DNAH6: variants seen among roughly 807,000 people sequenced by gnomAD.
DNAH6 encodes the protein dynein axonemal heavy chain 6, also known as axonemal beta dynein heavy chain 6.
A neutral mutation model predicts 491.4 loss-of-function variants in DNAH6; 340 were observed. That is an observed-to-expected ratio of 0.69 (90% confidence interval 0.63 to 0.76). The LOEUF (loss-of-function observed/expected upper bound fraction) is 0.76, where lower values mean the gene tolerates loss of function less well. DNAH6 is among the 30% of genes least tolerant of loss of function. The pLI, the probability that DNAH6 is intolerant of heterozygous loss-of-function variation, is 0.00. For missense variants in DNAH6, 4,443 were observed against 4,972.2 expected, an observed-to-expected ratio of 0.89 and a Z score of 3.20; for synonymous variants, 1,603 against 1,686.1, an observed-to-expected ratio of 0.95 and a Z score of 1.21.
intron 62 of DNAH6, among the ~76,000 whole-genome samples, chr2:84,743,249 T>C (rs1333822192): frequency 6.6e-6 from 1 of 152,174 alleles, no homozygotes; most frequent in Non-Finnish European, 1.5e-5. Flanking sequence ...GAAAGCACCA[T>C]GTGTTATCCA....
chr2:84,652,486 GTCTC>G (rs1484336630), intron 33 of DNAH6, among the ~76,000 whole-genome samples: 3 of 151,970 alleles, frequency 2.0e-5, no homozygotes, highest in African/African-American at 7.2e-5. Context: ...GTTTTTCTAA[GTCTC>G]TCATTCATGC....
chr2:84,636,965 G>T (rs1322389352), intron 30 of DNAH6, among the ~76,000 whole-genome samples: 1 of 152,150 alleles, frequency 6.6e-6, no homozygotes, highest in Non-Finnish European at 1.5e-5. Context: ...TCAGGACTTG[G>T]CTAGGAAGGA....
At position 84,762,838 on chromosome 2, in the gene DNAH6, G is replaced by A; in HGVS notation, c.10596G>A (p.Leu3532=). Residue 3532 remains leucine, a synonymous_variant, in exon 64 of 77, where the codon CTG becomes CTA. Transcript: ENST00000389394. ...IETPPVDLPT[L]YQDMSCNTPL... is the part of the protein sequence containing the mutation. ...CACCACCTGTGGACCTGCCTACCCT[G>A]TATCAAGACATGTCATGCAACACTC... The A allele has an allele frequency of 1.3e-6, 2 of 1,551,118 alleles. No homozygotes were observed. Among genetic ancestry groups the A allele is most frequent in the South Asian group, 1.2e-5 (1 of 84,046 alleles).
intron 63 of DNAH6, among the ~76,000 whole-genome samples, chr2:84,750,311 T>C (rs1279191001): frequency 6.6e-6 from 1 of 151,314 alleles, no homozygotes; most frequent in Non-Finnish European, 1.5e-5. Flanking sequence ...GCCTCCCAAG[T>C]AGCTGGGACC....
At chr2:84,812,313 G>A (rs1208781849) in intron 72 of DNAH6, 28 bp from the exon 73 acceptor site, 1 of 1,544,344 alleles carries the variant, frequency 6.5e-7, no homozygotes, top group Admixed American at 2.0e-5. Flanking sequence ...ATCTGCAAAG[G>A]CCACCAACCC....
At chr2:84,624,239 A>C (rs1687648872) in intron 26 of DNAH6, 26 bp from the exon 27 acceptor site, 2 of 1,523,900 alleles carry the variant, frequency 1.3e-6, no homozygotes, top group Non-Finnish European at 1.8e-6. Context: ...TGGAAAATTC[A>C]CCATGACAAT....
chr2:84,691,714 T>G, intron 45 of DNAH6, among the ~76,000 whole-genome samples: 1 of 146,198 alleles, frequency 6.8e-6, no homozygotes, highest in East Asian at 1.9e-4. Flanking sequence ...TCAACAAACT[T>G]TATTTATAGA....
At chr2:84,715,660 G>A in intron 58 of DNAH6, 33 bp downstream of exon 58, 1 of 1,524,686 alleles carries the variant, frequency 6.6e-7, no homozygotes, top group Non-Finnish European at 8.9e-7. Flanking sequence ...GGAGGGAAGG[G>A]GGTATTGTGG....
At chr2:84,653,018 G>T (rs960251485) in intron 33 of DNAH6, among the ~76,000 whole-genome samples, 2 of 151,370 alleles carry the variant, frequency 1.3e-5, no homozygotes, top group African/African-American at 4.9e-5. Flanking sequence ...TATATGTTTG[G>T]TACTATGCCA....
chr2:84,773,773 A>C (rs918984872), intron 64 of DNAH6, among the ~76,000 whole-genome samples: 3 of 152,046 alleles, frequency 2.0e-5, no homozygotes, highest in Non-Finnish European at 1.5e-5. Flanking sequence ...TTTTAATAAT[A>C]GCCATTCTGA....
At chr2:84,509,731 T>A in the DNAH6 span, among the ~76,000 whole-genome samples, 1 of 152,196 alleles carries the variant, frequency 6.6e-6, no homozygotes, top group Admixed American at 6.5e-5. Context: ...CCTTTCTATG[T>A]TTAGTGCTTC....
intron 14 of DNAH6, among the ~76,000 whole-genome samples, chr2:84,581,195 G>C (rs1414345890): frequency 6.6e-6 from 1 of 152,212 alleles, no homozygotes; most frequent in Non-Finnish European, 1.5e-5. Flanking sequence ...CAGAGGGTCA[G>C]CTGCTATCAC....
chr2:84,663,219 G>A, intron 37 of DNAH6, among the ~76,000 whole-genome samples: 1 of 152,194 alleles, frequency 6.6e-6, no homozygotes, highest in East Asian at 1.9e-4. Context: ...GCCAGCAATG[G>A]AAGAAATCTG....
intron 64 of DNAH6, chr2:84,777,398 A>T: frequency 2.0e-6 from 1 of 494,570 alleles, no homozygotes; most frequent in Non-Finnish European, 3.8e-6. Context: ...ATTAAGGAAG[A>T]CATTATCCTT....
chr2:84,706,182 A>T (rs1573549732), intron 52 of DNAH6, among the ~76,000 whole-genome samples: 1 of 152,196 alleles, frequency 6.6e-6, no homozygotes, highest in Non-Finnish European at 1.5e-5. Flanking sequence ...TTACTGAAAG[A>T]ACTGTGGCTA....
chr2:84,654,723 C>A lies in DNAH6; in HGVS notation c.5698C>A (p.Pro1900Thr), dbSNP rs781350255. Residue 1900 changes from proline (P) to threonine (T), a missense_variant, in exon 35 of 77, where the codon CCT becomes ACT. Around this residue, in one of 3 missense-constraint regions of DNAH6, gnomAD observed 2,977 missense variants for 3,296.6 expected, o/e 0.90. Transcript: ENST00000389394. ...VSRCGMVFVD[P>T]EELKWMPYVK... ...TCGATGTGGAATGGTGTTTGTGGAT[C>A]CTGAAGAACTGAAATGGATGCCTTA... 1 of 1,551,166 alleles carries A rather than the reference C, an allele frequency of 6.4e-7. No individual in the cohort carries two copies.
intron 29 of DNAH6, among the ~76,000 whole-genome samples, chr2:84,625,831 G>GT (rs1240629967): frequency 6.6e-6 from 1 of 152,086 alleles, no homozygotes; most frequent in Non-Finnish European, 1.5e-5. Flanking sequence ...GTTGGGATAT[G>GT]TTTTTTTGGT....
Position 84,567,179 on chromosome 2 carries a change from G to T in DNAH6, c.1804-6288G>T, listed in dbSNP as rs140425782. 3.9e-5 allele frequency among the ~76,000 whole-genome samples: 6 copies of T among 152,142 alleles called. 1 individual carries two copies. In the East Asian group the frequency reaches 1.2e-3, roughly 29 times the overall value. On this transcript the variant is annotated intron_variant, in intron 11 of 76. Coordinates refer to ENST00000389394, the MANE Select transcript of DNAH6 (RefSeq NM_001370.2). ...AAGTAAAAATACACTTATAAACAGA[G>T]AGAATCTATTTGTATTACATATTAT...
At chr2:84,585,367 A>G (rs1350832188) in intron 15 of DNAH6, among the ~76,000 whole-genome samples, 1 of 152,132 alleles carries the variant, frequency 6.6e-6, no homozygotes, top group African/African-American at 2.4e-5. Flanking sequence ...ACCTTTGCCT[A>G]AGTTCTTGCC....
Sources: allele counts gnomAD v4.1 joint callset (sites outside exome capture counted in the v4.1 genomes callset), GRCh38; gene constraint gnomAD v4.1.1; regional missense constraint gnomAD v4.1.1; transcripts MANE v1.5; gene names NCBI Gene and HGNC (gene_info 2026-07-23, HGNC 2026-07-21).